The following ABL2 variants were observed in gnomAD, a reference collection of about 807,000 sequenced individuals.
ABL2 encodes the protein ABL proto-oncogene 2, non-receptor tyrosine kinase, also known as tyrosine-protein kinase ABL2.
Under a neutral mutation model 107.7 loss-of-function variants are expected in ABL2, and 49 were observed. The observed-to-expected ratio is 0.45, with a 90% CI of 0.36 to 0.58. ABL2 has a LOEUF of 0.58. Among genes scored for constraint, ABL2 ranks in the 20% least tolerant of loss-of-function variants. The probability of loss-of-function intolerance (pLI) is 0.00; values close to 1 mark genes in which losing one functional copy is unlikely to be tolerated. For missense variants in ABL2, 1,245 were observed against 1,457.0 expected, an observed-to-expected ratio of 0.85 and a Z score of 2.37; for synonymous variants, 549 against 548.6, an observed-to-expected ratio of 1.00 and a Z score of -0.01.
At chr1:179,179,136 G>A (rs1010188126) in intron 1 of ABL2, among the ~76,000 whole-genome samples, 5 of 152,152 alleles carry the variant, frequency 3.3e-5, no homozygotes, top group Non-Finnish European at 2.9e-5. Context: ...TTTAAAATGT[G>A]CAAAACTCAG....
intron 1 of ABL2, among the ~76,000 whole-genome samples, chr1:179,162,756 T>C (rs1455068863): frequency 1.3e-5 from 2 of 152,158 alleles, no homozygotes; most frequent in African/African-American, 4.8e-5. Context: ...AAGGTTTAAA[T>C]ACAGCTATGT....
At chr1:179,186,744 CTATT>C (rs200853452) in intron 1 of ABL2, among the ~76,000 whole-genome samples, 11 of 151,804 alleles carry the variant, frequency 7.2e-5, no homozygotes, top group Non-Finnish European at 2.9e-5. Flanking sequence ...GCTTCCAATA[CTATT>C]TATTTATTTA....
At chr1:179,159,013 T>G (rs1481453722) in intron 1 of ABL2, among the ~76,000 whole-genome samples, 1 of 152,194 alleles carries the variant, frequency 6.6e-6, no homozygotes, top group Non-Finnish European at 1.5e-5. Flanking sequence ...GCTGTTATAT[T>G]ATGAGTATAA....
intron 1 of ABL2, among the ~76,000 whole-genome samples, chr1:179,143,300 G>A (rs2791941): frequency 0.35 from 53,268 of 152,006 alleles, 9,709 homozygotes; most frequent in East Asian, 0.49. Context: ...CTTTTAAAAT[G>A]TAAGTAAAAT....
At chr1:179,129,985 G>A (rs1476960123) in intron 3 of ABL2, among the ~76,000 whole-genome samples, 2 of 152,064 alleles carry the variant, frequency 1.3e-5, no homozygotes, top group African/African-American at 4.8e-5. Context: ...TGTCGCCCAG[G>A]CTGGGGTGCA....
intron 1 of ABL2, among the ~76,000 whole-genome samples, chr1:179,187,612 T>C (rs1660746860): frequency 6.6e-6 from 1 of 152,236 alleles, no homozygotes; most frequent in Non-Finnish European, 1.5e-5. Flanking sequence ...CTGTACAAAT[T>C]TGAATCCCTC....
intron 1 of ABL2, among the ~76,000 whole-genome samples, chr1:179,178,823 G>A (rs1335373137): frequency 6.6e-6 from 1 of 152,052 alleles, no homozygotes; most frequent in African/African-American, 2.4e-5. Context: ...CTTGAACCCG[G>A]GATGTGGAGG....
chr1:179,188,209 C>T (rs1383715585), intron 1 of ABL2, among the ~76,000 whole-genome samples: 2 of 152,116 alleles, frequency 1.3e-5, no homozygotes, highest in East Asian at 3.9e-4. Flanking sequence ...TCTGCTCAAA[C>T]GTTACCCCAT....
At chr1:179,229,212 C>T in intron 1 of ABL2, 29 bp downstream of exon 1, 1 of 1,497,352 alleles carries the variant, frequency 6.7e-7, no homozygotes. Context: ...CTCCCCCACG[C>T]TCTCATGCCG....
intron 1 of ABL2, among the ~76,000 whole-genome samples, chr1:179,207,682 A>G (rs1257077424): frequency 6.6e-6 from 1 of 152,208 alleles, no homozygotes; most frequent in Non-Finnish European, 1.5e-5. Flanking sequence ...AGGGACACAT[A>G]GCGAATGAAT....
At chr1:179,168,769 A>C (rs1659540088) in intron 1 of ABL2, among the ~76,000 whole-genome samples, 1 of 152,208 alleles carries the variant, frequency 6.6e-6, no homozygotes, top group Admixed American at 6.5e-5. Context: ...CAGCTTTCAG[A>C]AATTTTTTAA....
intron 1 of ABL2, among the ~76,000 whole-genome samples, chr1:179,190,403 G>C (rs1660932186): frequency 6.6e-6 from 1 of 152,144 alleles, no homozygotes; most frequent in South Asian, 2.1e-4. Flanking sequence ...ACAGAGCAAG[G>C]TGTGGGAGAA....
At chr1:179,173,190 C>CA (rs35126707) in intron 1 of ABL2, among the ~76,000 whole-genome samples, 284 of 104,198 alleles carry the variant, frequency 2.7e-3, no homozygotes, top group Admixed American at 3.4e-3. Context: ...AACTCGGCCT[C>CA]AAAAAAAAAA....
At chr1:179,197,684 T>G (rs1418447193) in intron 1 of ABL2, among the ~76,000 whole-genome samples, 1 of 151,062 alleles carries the variant, frequency 6.6e-6, no homozygotes, top group Non-Finnish European at 1.5e-5. Flanking sequence ...CCTTGATCAA[T>G]ATGGTGAAAT....
rs932070017 is a variant in ABL2 at position 179,100,253 on chromosome 1, G to A, written c.*7465C>T. The A allele has an allele frequency of 4.4e-6, 1 of 227,778 alleles. No individual in the cohort carries two copies. The highest frequency in any genetic ancestry group is 8.7e-6 in the Non-Finnish European group (1 of 114,764). The allele number at this position is 227,778 out of a possible 1,614,324, so 14.1% of individuals were successfully genotyped here. A position where few individuals can be genotyped will look rare whatever the true frequency, so the allele number is the denominator to read the frequency against. ...GAAATTGCTGTCAAAATGGAGGAGA[G>A]CTGGTTTCTCTGGCCCTCATCTACC... On this transcript the variant is annotated 3_prime_UTR_variant, in exon 12 of 12. Transcript: ENST00000502732.
rs1290526195 is a variant in ABL2 at position 179,210,025 on chromosome 1, GCTAA to G, written c.157+19212_157+19215del. Among the ~76,000 whole-genome samples the G allele has an allele frequency of 1.7e-4, 26 of 151,974 alleles. No individual in the cohort carries two copies. In the South Asian group the frequency reaches 5.4e-3, roughly 32 times the overall value. On this transcript the variant is annotated intron_variant, in intron 1 of 11. Coordinates refer to ENST00000502732, the MANE Select transcript of ABL2 (RefSeq NM_007314.4). Reference sequence around the variant, plus strand: ...TAGTAGCTAGGACTACAGGCACACAGCTAACTTTTAATTTTATTTTTAAAGACAG... The same window carrying G: ...TAGTAGCTAGGACTACAGGCACACAGCTTTTAATTTTATTTTTAAAGACAG...
chr1:179,121,154 A>T (rs926297502), intron 5 of ABL2, among the ~76,000 whole-genome samples: 3 of 152,218 alleles, frequency 2.0e-5, no homozygotes, highest in African/African-American at 7.2e-5. Context: ...TAGTACTACG[A>T]AAAAGATTTC....
At chr1:179,151,490 T>A (rs1263915140) in intron 1 of ABL2, among the ~76,000 whole-genome samples, 1 of 152,222 alleles carries the variant, frequency 6.6e-6, no homozygotes, top group Non-Finnish European at 1.5e-5. Context: ...TGTTTTTATG[T>A]CTTTTTTTCT....
At chr1:179,178,112 T>C (rs965513164) in intron 1 of ABL2, among the ~76,000 whole-genome samples, 2 of 152,078 alleles carry the variant, frequency 1.3e-5, no homozygotes, top group African/African-American at 4.8e-5. Context: ...TTAAAGCTTG[T>C]AGTGACCAGG....
Sources: gnomAD v4.1 joint callset for allele counts (sites outside exome capture counted in the v4.1 genomes callset) on GRCh38, gnomAD v4.1.1 for gene constraint, MANE v1.5 for transcripts, NCBI Gene and HGNC (gene_info 2026-07-23, HGNC 2026-07-21) for gene names.